The following STK4 variants were observed in gnomAD, a reference collection of about 807,000 sequenced individuals.
STK4 encodes serine/threonine-protein kinase 4.
Under a neutral mutation model 64.9 loss-of-function variants are expected in STK4, and 30 were observed. That is an observed-to-expected ratio of 0.46 (90% CI 0.35 to 0.63). The LOEUF (loss-of-function observed/expected upper bound fraction) is 0.63, where lower values mean the gene tolerates loss of function less well. Among genes scored for constraint, STK4 ranks in the 20% least tolerant of loss-of-function variants. The pLI, the probability that STK4 is intolerant of heterozygous loss-of-function variation, is 0.01. For missense variants in STK4, 466 were observed against 598.5 expected (o/e 0.78, Z 2.31); for synonymous variants, 177 against 199.0 (o/e 0.89, Z 0.93).
chr20:45,012,228 GT>G (rs898226746), intron 9 of STK4, among the ~76,000 whole-genome samples: 24 of 151,980 alleles, frequency 1.6e-4, no homozygotes. Context: ...TAGAGATAGG[GT>G]TTCACTGTTT....
chr20:44,973,787 G>A (rs892945239), intron 2 of STK4, among the ~76,000 whole-genome samples: 2 of 152,184 alleles, frequency 1.3e-5, no homozygotes, highest in Non-Finnish European at 2.9e-5. Context: ...TCAATTCATA[G>A]AGTTGTGTTA....
In STK4 at chr20:44,978,346, G is replaced by A. The variant is rs956725158; in HGVS notation, c.117-97G>A. On this transcript the variant is annotated intron_variant, in intron 2 of 10. Coordinates refer to ENST00000372806, the MANE Select transcript of STK4 (RefSeq NM_006282.5). ...AGTGTATATGTATTAGGCACTTAGG[G>A]ATATATGTTAGAACTATCAGTTGCT... 5.6e-6 allele frequency: 8 copies of A among 1,427,366 alleles called. No homozygotes were observed. In the African/African-American group the frequency reaches 1.0e-4, roughly 18 times the overall value. 88.4% of individuals were successfully genotyped at this position (1,427,366 alleles called of 1,614,324 possible). A position where few individuals can be genotyped will look rare whatever the true frequency, so the allele number is the denominator to read the frequency against.
At chr20:44,983,296 G>C (rs999688239) in intron 4 of STK4, among the ~76,000 whole-genome samples, 1 of 152,162 alleles carries the variant, frequency 6.6e-6, no homozygotes, top group South Asian at 2.1e-4. Flanking sequence ...GCCATCTGAT[G>C]TATGTTTTAG....
chr20:44,985,826 A>G (rs1442297447), intron 4 of STK4, among the ~76,000 whole-genome samples: 2 of 152,240 alleles, frequency 1.3e-5, no homozygotes, highest in African/African-American at 2.4e-5. Flanking sequence ...AAGTCACATG[A>G]AAGTAGAGCC....
intron 9 of STK4, among the ~76,000 whole-genome samples, chr20:45,006,871 G>T (rs2067955828): frequency 6.6e-6 from 1 of 152,126 alleles, no homozygotes. Context: ...CCTTTAACAG[G>T]TATGTCTTGC....
At chr20:45,011,420 G>A (rs1215169517) in intron 9 of STK4, among the ~76,000 whole-genome samples, 5 of 151,808 alleles carry the variant, frequency 3.3e-5, no homozygotes. Context: ...GTGACACTAG[G>A]GCAATGTCTT....
chr20:44,994,489 C>CT (rs939619207), intron 5 of STK4, among the ~76,000 whole-genome samples: 33 of 144,782 alleles, frequency 2.3e-4, no homozygotes, highest in South Asian at 4.4e-4. Context: ...TATATATCTT[C>CT]TTTTTTTTTT....
At position 45,004,854 on chromosome 20, in the gene STK4, C is replaced by T. The variant is rs73617487; in HGVS notation, c.1147+3501C>T. Among the ~76,000 whole-genome samples, 869 of 151,220 alleles carry T rather than the reference C, an allele frequency of 5.7e-3. 9 individuals are homozygous for T. The highest frequency in any genetic ancestry group is 0.02 in the African/African-American group (804 of 41,120). On this transcript the variant is annotated intron_variant, in intron 9 of 10. Transcript: ENST00000372806. ...TGCGATCTTGGCTCACTGCAACCTC[C>T]GCCTCCCAGGTTCAAGCGATTCTCC...
chr20:44,983,431 G>A (rs547763875), intron 4 of STK4, among the ~76,000 whole-genome samples: 2 of 152,102 alleles, frequency 1.3e-5, no homozygotes, highest in African/African-American at 2.4e-5. Flanking sequence ...GCGAGACCTC[G>A]TCTCTACAAA....
chr20:45,047,258 G>C (rs544536606), intron 10 of STK4, among the ~76,000 whole-genome samples: 1 of 152,246 alleles, frequency 6.6e-6, no homozygotes, highest in East Asian at 1.9e-4. Context: ...TTGACAGAGA[G>C]GCTTTGAGGC....
At chr20:45,006,990 G>T (rs1042438353) in intron 9 of STK4, among the ~76,000 whole-genome samples, 2 of 152,068 alleles carry the variant, frequency 1.3e-5, no homozygotes, top group Non-Finnish European at 2.9e-5. Flanking sequence ...TTTCTTTCCC[G>T]CTTTTGGCAT....
chr20:45,061,343 C>T (rs1463579926), intron 10 of STK4, among the ~76,000 whole-genome samples: 1 of 152,048 alleles, frequency 6.6e-6, no homozygotes, highest in Non-Finnish European at 1.5e-5. Flanking sequence ...CCACAACCAC[C>T]GAATATTAAA....
At chr20:44,978,781 G>GT (rs377295791) in intron 3 of STK4, among the ~76,000 whole-genome samples, 1,667 of 124,812 alleles carry the variant, frequency 0.013, 29 homozygotes, top group African/African-American at 0.044. Flanking sequence ...ATGGTGTTTT[G>GT]TTTTTTTTTT....
In STK4 at chr20:45,076,705, C is replaced by T. The variant is rs915728689; in HGVS notation, c.*1529C>T. 4 of 152,210 alleles carry T rather than the reference C, an allele frequency of 2.6e-5. No individual in the cohort carries two copies. The highest frequency in any genetic ancestry group is 1.3e-4 in the Admixed American group (2 of 15,278). 9.4% of individuals were successfully genotyped at this position (152,210 alleles called of 1,614,324 possible). A position where few individuals can be genotyped will look rare whatever the true frequency, so the allele number is the denominator to read the frequency against. On this transcript the variant is annotated 3_prime_UTR_variant, in exon 11 of 11. Transcript: ENST00000372806. The surrounding 1 kb of genome is among the most constrained non-coding windows in gnomAD (Gnocchi z 4.0). ...ATAGAGCCATCTTCCTGCAACTTTACCTCTTTCCCTCAGATGGGGAGCCAT... is the reference window on the plus strand; with the variant it reads ...ATAGAGCCATCTTCCTGCAACTTTATCTCTTTCCCTCAGATGGGGAGCCAT...
chr20:45,040,787 T>C (rs1051025626), intron 10 of STK4, among the ~76,000 whole-genome samples: 4 of 152,126 alleles, frequency 2.6e-5, no homozygotes, highest in African/African-American at 9.7e-5. Flanking sequence ...TACAAACTCA[T>C]GCGTTCTTAT....
intron 1 of STK4, chr20:44,970,602 G>GAAGGT (rs1267829700): frequency 6.6e-6 from 1 of 152,102 alleles, no homozygotes; most frequent in African/African-American, 2.4e-5. Flanking sequence ...TTTTCATTTT[G>GAAGGT]AAGGTAGGAG....
rs778222995 is a variant in STK4 at position 45,075,190 on chromosome 20, G to A, written c.*14G>A. 4 of 1,612,178 alleles carry A rather than the reference G, an allele frequency of 2.5e-6. No homozygotes were observed. Among genetic ancestry groups the A allele is most frequent in the Non-Finnish European group, 3.4e-6 (4 of 1,179,692 alleles). On this transcript the variant is annotated 3_prime_UTR_variant, in exon 11 of 11. Coordinates refer to ENST00000372806, the MANE Select transcript of STK4 (RefSeq NM_006282.5). ...CAAAACTTCTGAGCAAGGCCAGGCTGTGAGGGCCCCAGCTCCACCCAGGCT... is the reference window on the plus strand; with the variant it reads ...CAAAACTTCTGAGCAAGGCCAGGCTATGAGGGCCCCAGCTCCACCCAGGCT...
chr20:45,043,940 C>T (rs1012696988), intron 10 of STK4, among the ~76,000 whole-genome samples: 4 of 152,138 alleles, frequency 2.6e-5, no homozygotes, highest in African/African-American at 9.7e-5. Context: ...CCATTGCCTT[C>T]TGTTATAAAA....
intron 10 of STK4, among the ~76,000 whole-genome samples, chr20:45,060,893 A>T (rs191022662): frequency 6.6e-6 from 1 of 152,220 alleles, no homozygotes; most frequent in East Asian, 1.9e-4. Context: ...TTTTTGTCCC[A>T]TACCCACTCT....
Sources: allele counts gnomAD v4.1 joint callset (sites outside exome capture counted in the v4.1 genomes callset), GRCh38; gene constraint gnomAD v4.1.1; non-coding constraint Gnocchi (gnomAD v3.1); transcripts MANE v1.5; gene names NCBI Gene and HGNC (gene_info 2026-07-23, HGNC 2026-07-21).